Variants in SH3PXD2A observed in about 807,000 individuals in gnomAD.
The protein encoded by SH3PXD2A is SH3 and PX domain-containing protein 2A.
Under a neutral mutation model 115.2 loss-of-function variants are expected in SH3PXD2A, and 32 were observed. The ratio of observed to expected loss-of-function variants is 0.28; its 90% CI spans 0.21 to 0.37. The LOEUF (loss-of-function observed/expected upper bound fraction) is 0.37, where lower values mean the gene tolerates loss of function less well. Among genes scored for constraint, SH3PXD2A ranks in the 10% least tolerant of loss-of-function variants. The pLI is 1.00. For synonymous variants in SH3PXD2A, 610 were observed against 629.1 expected (o/e 0.97, Z 0.45); for missense variants, 1,328 against 1,498.7 (o/e 0.89, Z 1.88).
chr10:103,821,031 A>G (rs2039374104), intron 1 of SH3PXD2A, among the ~76,000 whole-genome samples: 1 of 152,244 alleles, frequency 6.6e-6, no homozygotes, highest in Admixed American at 6.5e-5. Flanking sequence ...AATGAGGGTA[A>G]TAAGAGGGTA....
intron 2 of SH3PXD2A, among the ~76,000 whole-genome samples, chr10:103,769,451 T>TCTTC (rs1554921443): frequency 9.8e-5 from 11 of 112,306 alleles, no homozygotes; most frequent in African/African-American, 4.2e-4. Flanking sequence ...TTCTTCTTCT[T>TCTTC]TTTTTTTTTT....
chr10:103,843,084 T>C (rs2039615862), intron 1 of SH3PXD2A, among the ~76,000 whole-genome samples: 1 of 152,214 alleles, frequency 6.6e-6, no homozygotes, highest in Non-Finnish European at 1.5e-5. Context: ...GTGCCGTTTA[T>C]GGAACAGTTA....
chr10:103,837,767 T>C (rs1423048184), intron 1 of SH3PXD2A, among the ~76,000 whole-genome samples: 3 of 152,110 alleles, frequency 2.0e-5, no homozygotes, highest in African/African-American at 2.4e-5. Flanking sequence ...CTCAGAGAAG[T>C]TGTGGATGTG....
At chr10:103,841,083 T>C (rs2039592907) in intron 1 of SH3PXD2A, among the ~76,000 whole-genome samples, 2 of 152,210 alleles carry the variant, frequency 1.3e-5, no homozygotes, top group African/African-American at 4.8e-5. Context: ...TTCTAACAAC[T>C]AACTTCAGCA....
chr10:103,787,476 T>G (rs949531504), intron 2 of SH3PXD2A, among the ~76,000 whole-genome samples: 2 of 152,224 alleles, frequency 1.3e-5, no homozygotes, highest in Non-Finnish European at 2.9e-5. Context: ...CCCACCCTGT[T>G]GCACTGCTGG....
chr10:103,803,357 T>C (rs1431721426), intron 1 of SH3PXD2A, among the ~76,000 whole-genome samples: 3 of 152,244 alleles, frequency 2.0e-5, no homozygotes, highest in Non-Finnish European at 2.9e-5. Context: ...TTACATCATA[T>C]GTAAATAGGT....
At chr10:103,748,068 G>A (rs2038528385) in intron 3 of SH3PXD2A, among the ~76,000 whole-genome samples, 2 of 152,160 alleles carry the variant, frequency 1.3e-5, no homozygotes, top group African/African-American at 4.8e-5. Flanking sequence ...TGCAAGGATG[G>A]TGACAGTAAC....
intron 7 of SH3PXD2A, among the ~76,000 whole-genome samples, chr10:103,664,216 G>A (rs920970445): frequency 2.6e-5 from 4 of 152,224 alleles, no homozygotes; most frequent in African/African-American, 9.6e-5. Context: ...CAGTGTGGGG[G>A]CACTGGATGA....
chr10:103,641,660 C>G (rs2036957379), intron 8 of SH3PXD2A, among the ~76,000 whole-genome samples: 1 of 152,232 alleles, frequency 6.6e-6, no homozygotes, highest in South Asian at 2.1e-4. Flanking sequence ...AGTCCCTCAT[C>G]TGCTTCTCCT....
At chr10:103,778,777 A>C (rs2038905032) in intron 2 of SH3PXD2A, among the ~76,000 whole-genome samples, 1 of 152,106 alleles carries the variant, frequency 6.6e-6, no homozygotes, top group South Asian at 2.1e-4. Context: ...AGCCCATCTA[A>C]CCCTAACTTC....
chr10:103,753,202 G>C (rs1167332964), intron 3 of SH3PXD2A, among the ~76,000 whole-genome samples: 1 of 151,478 alleles, frequency 6.6e-6, no homozygotes, highest in East Asian at 1.9e-4. Context: ...GTCAAAGGCT[G>C]GGTGCAGTGA....
chr10:103,663,611 A>G (rs1426467150), intron 7 of SH3PXD2A, among the ~76,000 whole-genome samples: 1 of 152,246 alleles, frequency 6.6e-6, no homozygotes, highest in Non-Finnish European at 1.5e-5. Flanking sequence ...AGGCATGAGT[A>G]GTTTTTGGAC....
At chr10:103,684,279 A>T (rs1421841630) in intron 6 of SH3PXD2A, among the ~76,000 whole-genome samples, 1 of 152,046 alleles carries the variant, frequency 6.6e-6, no homozygotes, top group Non-Finnish European at 1.5e-5. Context: ...TGCCCACCCC[A>T]TACCCTGGGC....
At position 103,605,985 on chromosome 10, in the gene SH3PXD2A, G is replaced by A. The variant is rs2036293962; in HGVS notation, c.1309-68C>T. Reference sequence around the variant, plus strand: ...AGAAGAGTAACTTGGCCAAGGGTTGGTCCCCACTCAGTCCCCAGGGGGTGC... The same window carrying A: ...AGAAGAGTAACTTGGCCAAGGGTTGATCCCCACTCAGTCCCCAGGGGGTGC... On this transcript the variant is annotated intron_variant, in intron 13 of 14. Transcript: ENST00000369774. The A allele has an allele frequency of 2.5e-6, 4 of 1,575,890 alleles. No homozygotes were observed. In the East Asian group the frequency reaches 6.8e-5, roughly 27 times the overall value.
intron 3 of SH3PXD2A, among the ~76,000 whole-genome samples, chr10:103,763,138 A>G (rs2038718197): frequency 6.6e-6 from 1 of 152,156 alleles, no homozygotes; most frequent in Non-Finnish European, 1.5e-5. Flanking sequence ...ATTTTCTGCC[A>G]GGATTTGACT....
intron 6 of SH3PXD2A, among the ~76,000 whole-genome samples, chr10:103,672,445 G>A (rs796580927): frequency 1.1e-4 from 17 of 152,342 alleles, no homozygotes; most frequent in African/African-American, 3.4e-4. Flanking sequence ...GGACCACAGC[G>A]GAAATGAATC....
rs781020469 is a variant in SH3PXD2A at position 103,596,659 on chromosome 10, A to ACTCTCTCTCT, written c.*5156_*5157insAGAGAGAGAG. 16 of 48,914 alleles carry ACTCTCTCTCT rather than the reference A, an allele frequency of 3.3e-4. No homozygotes were observed. Among genetic ancestry groups the ACTCTCTCTCT allele is most frequent in the African/African-American group, 1.1e-3 (14 of 12,508 alleles). The allele number at this position is 48,914 out of a possible 1,614,324, so 3.0% of individuals were successfully genotyped here. A position where few individuals can be genotyped will look rare whatever the true frequency, so the allele number is the denominator to read the frequency against. ...GACACACACACACACACACACACAC[A>ACTCTCTCTCT]CACACTCTCTCTCTCTCTCTCTCTC... On this transcript the variant is annotated 3_prime_UTR_variant, in exon 15 of 15. Coordinates refer to ENST00000369774, the MANE Select transcript of SH3PXD2A (RefSeq NM_001394015.1).
At position 103,843,805 on chromosome 10, in the gene SH3PXD2A, G is replaced by A. The variant is rs576292302; in HGVS notation, c.72+11390C>T. ...CTGAAGAGATCTGGGATGCAACCCT[G>A]GCTCCCACTGTTGCTGCCAGTGATG... On this transcript the variant is annotated intron_variant, in intron 1 of 14. Transcript: ENST00000369774. Among the ~76,000 whole-genome samples, 11 of 152,272 alleles carry A rather than the reference G, an allele frequency of 7.2e-5. No homozygotes were observed. In the South Asian group the frequency reaches 2.3e-3, roughly 32 times the overall value.
chr10:103,821,562 T>C (rs994396046), intron 1 of SH3PXD2A, among the ~76,000 whole-genome samples: 3 of 151,876 alleles, frequency 2.0e-5, no homozygotes, highest in Non-Finnish European at 4.4e-5. Flanking sequence ...GTTCTTGTTA[T>C]TATTATTTGA....
Sources: allele counts gnomAD v4.1 joint callset (sites outside exome capture counted in the v4.1 genomes callset), GRCh38; gene constraint gnomAD v4.1.1; transcripts MANE v1.5; gene names NCBI Gene and HGNC (gene_info 2026-07-23, HGNC 2026-07-21).